The following GSE1 variants were observed in gnomAD, a reference collection of about 807,000 sequenced individuals.
The protein encoded by GSE1 is genetic suppressor element 1.
A neutral mutation model predicts 112.6 loss-of-function variants in GSE1; 32 were observed. The ratio of observed to expected loss-of-function variants is 0.28; its 90% CI spans 0.21 to 0.38. The LOEUF (loss-of-function observed/expected upper bound fraction) is 0.38, where lower values mean the gene tolerates loss of function less well. GSE1 is among the 10% of genes least tolerant of loss of function. GSE1 has a pLI of 1.00. For missense variants in GSE1, 2,348 were observed against 1,699.2 expected (o/e 1.38, Z -6.71); for synonymous variants, 1,115 against 735.6 (o/e 1.52, Z -8.35).
intron 2 of GSE1, among the ~76,000 whole-genome samples, chr16:85,480,710 G>A (rs906770044): frequency 1.3e-5 from 2 of 152,160 alleles, no homozygotes; most frequent in Non-Finnish European, 1.5e-5. Context: ...GGGTGGCCAA[G>A]GTCCCTGAGA....
intron 3 of GSE1, among the ~76,000 whole-genome samples, chr16:85,653,799 T>C (rs2051653796): frequency 6.6e-6 from 1 of 152,190 alleles, no homozygotes; most frequent in African/African-American, 2.4e-5. Flanking sequence ...GGCCAGGACA[T>C]CTGCGGCCAG....
intron 1 of GSE1, among the ~76,000 whole-genome samples, chr16:85,284,780 C>T (rs1046278516): frequency 6.6e-6 from 1 of 152,140 alleles, no homozygotes; most frequent in Admixed American, 6.5e-5. Context: ...ACACACAGCT[C>T]ACCTTCAGCT....
At chr16:85,391,947 G>A (rs768997724) in intron 2 of GSE1, among the ~76,000 whole-genome samples, 7 of 152,140 alleles carry the variant, frequency 4.6e-5, no homozygotes, top group Non-Finnish European at 1.0e-4. Flanking sequence ...GTCCCCAGGA[G>A]TCACTCCAGC....
chr16:85,649,503 C>A (rs2051155702), intron 3 of GSE1, among the ~76,000 whole-genome samples: 1 of 152,172 alleles, frequency 6.6e-6, no homozygotes, highest in African/African-American at 2.4e-5. Flanking sequence ...TTTCGGGGCT[C>A]CTTATGTCTG....
chr16:85,170,074 G>A (rs2074333793), exon 1 of GSE1: 3 of 984,946 alleles, frequency 3.0e-6, no homozygotes, highest in Non-Finnish European at 3.6e-6. Flanking sequence ...CCCCCTTTCC[G>A]AGCCCGACCC....
intron 2 of GSE1, among the ~76,000 whole-genome samples, chr16:85,546,465 CA>C (rs1375153335): frequency 1.3e-5 from 2 of 152,178 alleles, no homozygotes; most frequent in South Asian, 2.1e-4. Context: ...AGAAGTTGTA[CA>C]GTAGATATTT....
chr16:85,514,430 C>T (rs555320417), intron 2 of GSE1, among the ~76,000 whole-genome samples: 2 of 96,064 alleles, frequency 2.1e-5, no homozygotes, highest in African/African-American at 1.0e-4. Context: ...CTCGAGTCCC[C>T]CCCCCCACCC....
At chr16:85,359,790 C>T (rs1450282276) in intron 2 of GSE1, among the ~76,000 whole-genome samples, 3 of 152,136 alleles carry the variant, frequency 2.0e-5, no homozygotes, top group Admixed American at 2.0e-4. Context: ...CTCGGCACAC[C>T]AGGCTGCTTC....
Position 85,403,244 on chromosome 16 carries a change from A to T in GSE1, c.2464+45601A>T, listed in dbSNP as rs562566230. The stretch of plus-strand genomic sequence containing the variant: ...GGTAAGAGAGGGCACACGCAATGGC[A>T]ACCACAGTCTGTAACCGACACCGGA... On this transcript the variant is annotated intron_variant, in intron 2 of 2. Transcript: ENST00000637419. 1.1e-3 allele frequency among the ~76,000 whole-genome samples: 165 copies of T among 152,282 alleles called. 1 individual carries two copies. The highest frequency in any genetic ancestry group is 3.9e-3 in the African/African-American group (161 of 41,562).
At chr16:85,360,081 G>A (rs1405868714) in intron 2 of GSE1, among the ~76,000 whole-genome samples, 3 of 152,026 alleles carry the variant, frequency 2.0e-5, no homozygotes, top group African/African-American at 7.2e-5. Flanking sequence ...AATCAATTCA[G>A]GGGTTTTCAG....
intron 2 of GSE1, among the ~76,000 whole-genome samples, chr16:85,450,472 CAG>C (rs1429093367): frequency 6.6e-6 from 1 of 150,660 alleles, no homozygotes; most frequent in Non-Finnish European, 1.5e-5. Context: ...ATTTTTGAGA[CAG>C]AGTCGCACTC....
intron 1 of GSE1, among the ~76,000 whole-genome samples, chr16:85,601,398 A>G (rs574500331): frequency 1.2e-4 from 19 of 152,158 alleles, no homozygotes; most frequent in Admixed American, 3.9e-4. Flanking sequence ...GAGGGATTGC[A>G]GGGGCCAGGC....
intron 1 of GSE1, among the ~76,000 whole-genome samples, chr16:85,291,928 G>C (rs1419268103): frequency 6.6e-6 from 1 of 152,152 alleles, no homozygotes; most frequent in Non-Finnish European, 1.5e-5. Flanking sequence ...TCAGGCTATG[G>C]GGACTTACAT....
At chr16:85,218,460 G>A (rs1040638382) in intron 1 of GSE1, among the ~76,000 whole-genome samples, 5 of 152,188 alleles carry the variant, frequency 3.3e-5, no homozygotes, top group African/African-American at 4.8e-5. Context: ...GGAGACCTGC[G>A]GAGTGCCAGG....
chr16:85,593,609 G>C (rs2047088959), intron 1 of GSE1: 1 of 121,546 alleles, frequency 8.2e-6, no homozygotes. Flanking sequence ...CTCCCTCCCG[G>C]CCCCTCACTC....
At chr16:85,554,767 G>GTT (rs1299183407), upstream of GSE1, 1 of 572,350 alleles carries the variant, frequency 1.7e-6, no homozygotes, top group Admixed American at 7.0e-5. Flanking sequence ...TCCCGCAGCT[G>GTT]TCAGTCGTGG....
At chr16:85,269,776 T>C (rs1364311438) in intron 1 of GSE1, among the ~76,000 whole-genome samples, 1 of 148,928 alleles carries the variant, frequency 6.7e-6, no homozygotes, top group Non-Finnish European at 1.5e-5. Context: ...TCTGCTGGGG[T>C]CTCTGGGCTC....
At chr16:85,208,689 T>A (rs1048841662) in intron 1 of GSE1, among the ~76,000 whole-genome samples, 2 of 150,066 alleles carry the variant, frequency 1.3e-5, no homozygotes, top group Admixed American at 1.3e-4. Context: ...AATGACTTTT[T>A]AAAAATGTAA....
At chr16:85,509,341 G>A (rs1292850227) in intron 2 of GSE1, among the ~76,000 whole-genome samples, 2 of 152,196 alleles carry the variant, frequency 1.3e-5, no homozygotes, top group East Asian at 3.8e-4. Context: ...GGCTGCCTGA[G>A]TCTCACTAAG....
Sources: allele counts gnomAD v4.1 joint callset (sites outside exome capture counted in the v4.1 genomes callset), GRCh38; gene constraint gnomAD v4.1.1; transcripts MANE v1.5; gene names NCBI Gene and HGNC (gene_info 2026-07-23, HGNC 2026-07-21).